The following MAU2 variants were observed in gnomAD, a reference collection of about 807,000 sequenced individuals.
MAU2 encodes MAU2 sister chromatid cohesion factor, also known as MAU2 chromatid cohesion factor homolog.
In MAU2, 9 loss-of-function variants were observed where a neutral mutation model predicts 89.1. The observed-to-expected ratio is 0.10, with a 90% CI of 0.06 to 0.18. MAU2 has a LOEUF of 0.18. Ranked by LOEUF, MAU2 falls within the 10% of genes least tolerant of loss-of-function variation. The pLI is 1.00. For missense variants in MAU2, 425 were observed against 803.5 expected (o/e 0.53, Z 5.69); for synonymous variants, 357 against 343.4 (o/e 1.04, Z -0.44).
chr19:19,349,449 G>C lies in MAU2; in HGVS notation c.1548+13G>C. 1 of 1,610,612 alleles carries C rather than the reference G, an allele frequency of 6.2e-7. No individual in the cohort carries two copies. The highest frequency in any genetic ancestry group is 8.5e-7 in the Non-Finnish European group (1 of 1,177,580). ...GGGAAACCACAGGGTGAGTGCCCTG[G>C]CCTGGGCCCCTCGCTTGGGTGCCTG... On this transcript the variant is annotated intron_variant, in intron 16 of 18. Transcript: ENST00000262815.
At chr19:19,327,400 A>T (rs1483872499) in intron 1 of MAU2, among the ~76,000 whole-genome samples, 1 of 151,654 alleles carries the variant, frequency 6.6e-6, no homozygotes, top group Non-Finnish European at 1.5e-5. Context: ...ATCTCGGCTC[A>T]CTGCAAGCTC....
At chr19:19,355,572 C>A in intron 18 of MAU2, 136 bp from the exon 19 acceptor site, 1 of 1,188,284 alleles carries the variant, frequency 8.4e-7, no homozygotes, top group Non-Finnish European at 1.2e-6. Flanking sequence ...CAGGTGTCTC[C>A]TCGGGGCCCA....
rs1196993718 is a variant in MAU2, at chr19:19,355,514, C to T, written c.1767+123C>T. Reference sequence around the variant, plus strand: ...AACCCTAACTCAGCCTCAGGTGATCCCTTGATGGGGGAGATGGCCATGGGC... The same window carrying T: ...AACCCTAACTCAGCCTCAGGTGATCTCTTGATGGGGGAGATGGCCATGGGC... On this transcript the variant is annotated intron_variant, in intron 18 of 18. Coordinates refer to ENST00000262815, the MANE Select transcript of MAU2 (RefSeq NM_015329.4). 2.1e-6 allele frequency: 3 copies of T among 1,430,844 alleles called. No individual in the cohort carries two copies. The African/African-American group carries it at 4.2e-5, about 20-fold the overall frequency. 88.6% of individuals were successfully genotyped at this position (1,430,844 alleles called of 1,614,324 possible). A position where few individuals can be genotyped will look rare whatever the true frequency, so the allele number is the denominator to read the frequency against.
At position 19,334,360 on chromosome 19, in the gene MAU2, C is replaced by G. The variant is rs191501287; in HGVS notation, c.277-1358C>G. ...TGTGGGTGCATGTGTGTCAGGGGCT[C>G]GGGCTCTCTCCCACAGCTGTCCTCC... On this transcript the variant is annotated intron_variant, in intron 1 of 18. Transcript: ENST00000262815. 6 of 985,768 alleles carry G rather than the reference C, an allele frequency of 6.1e-6. No individual in the cohort carries two copies. The South Asian group carries it at 1.4e-4, about 23-fold the overall frequency. 61.1% of individuals were successfully genotyped at this position (985,768 alleles called of 1,614,324 possible).
intron 13 of MAU2, 42 bp from the exon 14 acceptor site, chr19:19,348,847 G>A (rs748965657): frequency 6.2e-7 from 1 of 1,608,546 alleles, no homozygotes; most frequent in South Asian, 1.1e-5. Context: ...CCTTTCTCCT[G>A]TGAAGATGCA....
intron 5 of MAU2, 63 bp from the exon 6 acceptor site, chr19:19,340,783 T>G: frequency 6.3e-7 from 1 of 1,590,254 alleles, no homozygotes; most frequent in South Asian, 1.1e-5. Context: ...CTTGGGGTAA[T>G]CACAGTCATC....
At chr19:19,329,286 T>G (rs1013229680) in intron 1 of MAU2, among the ~76,000 whole-genome samples, 2 of 152,178 alleles carry the variant, frequency 1.3e-5, no homozygotes, top group Non-Finnish European at 2.9e-5. Flanking sequence ...CTGTGCTTCC[T>G]CCTGTTTTTG....
At chr19:19,344,781 T>C in intron 10 of MAU2, 68 bp from the exon 11 acceptor site, 1 of 1,307,920 alleles carries the variant, frequency 7.6e-7, no homozygotes, top group Non-Finnish European at 1.1e-6. Context: ...ATGGGGTCTC[T>C]CCATTGCTGC....
intron 4 of MAU2, among the ~76,000 whole-genome samples, chr19:19,337,747 C>G (rs566078456): frequency 1.3e-5 from 2 of 152,330 alleles, no homozygotes; most frequent in East Asian, 3.9e-4. Context: ...ACATGGGGCC[C>G]CTCACGTTGG....
chr19:19,340,416 G>A (rs2061634182), intron 5 of MAU2, among the ~76,000 whole-genome samples: 1 of 151,844 alleles, frequency 6.6e-6, no homozygotes, highest in South Asian at 2.1e-4. Flanking sequence ...GAGGCGGGTG[G>A]ATCACGAGGT....
intron 16 of MAU2, chr19:19,353,987 G>T: frequency 3.9e-6 from 1 of 258,792 alleles, no homozygotes; most frequent in South Asian, 4.9e-5. Context: ...GCCCTTCTCA[G>T]AACCTGAAAC....
chr19:19,326,964 A>T (rs2146655583), intron 1 of MAU2, among the ~76,000 whole-genome samples: 1 of 151,154 alleles, frequency 6.6e-6, no homozygotes, highest in East Asian at 1.9e-4. Flanking sequence ...CTTTTTAAAA[A>T]TTTGATTGTA....
At chr19:19,343,695 G>T in intron 9 of MAU2, 142 bp from the exon 10 acceptor site, 2 of 681,578 alleles carry the variant, frequency 2.9e-6, no homozygotes, top group Non-Finnish European at 5.3e-6. Context: ...CACTCAGAGG[G>T]TGCAGTGGGG....
chr19:19,352,176 T>G (rs2061750595), intron 16 of MAU2: 1 of 152,012 alleles, frequency 6.6e-6, no homozygotes, highest in Admixed American at 6.6e-5. Flanking sequence ...CACCTCTGTA[T>G]TGGAAGCTTT....
intron 4 of MAU2, 56 bp from the exon 5 acceptor site, chr19:19,338,789 G>A: frequency 7.5e-7 from 1 of 1,328,890 alleles, no homozygotes; most frequent in South Asian, 1.3e-5. Context: ...ACGAAGGCAG[G>A]TACCGTAAAA....
chr19:19,336,187 G>C lies in MAU2; in HGVS notation c.360G>C (p.Glu120Asp). The change falls in exon 3 of 19, where the codon GAG becomes GAC. Residue 120 changes from glutamate to aspartate, a missense_variant and splice_region_variant. Coordinates refer to ENST00000262815, the MANE Select transcript of MAU2 (RefSeq NM_015329.4). Reference sequence around the variant, plus strand: ...TGTTGTCTGAATTGTACTGTCAAGAGGTAAGAACATATTAAGGTTTCTGAA... The same window carrying C: ...TGTTGTCTGAATTGTACTGTCAAGACGTAAGAACATATTAAGGTTTCTGAA... ...ASLLSELYCQ[E>D]NSVDAAKPLL... 6.2e-7 allele frequency: 1 copy of C among 1,609,796 alleles called. No homozygotes were observed. Among genetic ancestry groups the C allele is most frequent in the Non-Finnish European group, 8.5e-7 (1 of 1,176,314 alleles).
At chr19:19,342,970 C>A in intron 9 of MAU2, 104 bp downstream of exon 9, 3 of 1,213,808 alleles carry the variant, frequency 2.5e-6, no homozygotes, top group Non-Finnish European at 3.6e-6. Flanking sequence ...GTGACCGCAG[C>A]GCCCAGCCAC....
intron 13 of MAU2, 22 bp downstream of exon 13, chr19:19,347,388 C>A: frequency 6.4e-7 from 1 of 1,570,034 alleles, no homozygotes; most frequent in Non-Finnish European, 8.8e-7. Context: ...GCTTCATGTT[C>A]GGTATCCTTT....
intron 1 of MAU2, among the ~76,000 whole-genome samples, chr19:19,329,809 T>A (rs927756629): frequency 1.3e-5 from 2 of 148,468 alleles, no homozygotes; most frequent in African/African-American, 5.0e-5. Context: ...AAAAAAAAAA[T>A]TGAAAAATTA....
Sources: gnomAD v4.1 joint callset for allele counts (sites outside exome capture counted in the v4.1 genomes callset) on GRCh38, gnomAD v4.1.1 for gene constraint, MANE v1.5 for transcripts, NCBI Gene and HGNC (gene_info 2026-07-23, HGNC 2026-07-21) for gene names.